SYNPR: variants seen among roughly 807,000 people sequenced by gnomAD.
SYNPR encodes the protein synaptoporin.
A neutral mutation model predicts 32.9 loss-of-function variants in SYNPR; 23 were observed. The observed-to-expected ratio is 0.70, with a 90% CI of 0.50 to 0.99. SYNPR has a LOEUF of 0.99. Ranked by LOEUF, SYNPR falls within the 50% of genes least tolerant of loss-of-function variation. The probability of loss-of-function intolerance (pLI) is 0.00; values close to 1 mark genes in which losing one functional copy is unlikely to be tolerated. For missense variants in SYNPR, 318 were observed against 349.3 expected (o/e 0.91, Z 0.71); for synonymous variants, 146 against 135.9 (o/e 1.07, Z -0.52).
chr3:63,341,736 G>A (rs2087372822), intron 2 of SYNPR, among the ~76,000 whole-genome samples: 1 of 151,986 alleles, frequency 6.6e-6, no homozygotes, highest in South Asian at 2.1e-4. Context: ...ATGTATCTTG[G>A]ATACAAGTCA....
At chr3:63,241,234 T>G (rs867598689) in intron 1 of SYNPR, among the ~76,000 whole-genome samples, 1 of 152,128 alleles carries the variant, frequency 6.6e-6, no homozygotes, top group Non-Finnish European at 1.5e-5. Context: ...GACCAGAGAA[T>G]GGACCTCCGT....
chr3:63,448,612 CATT>C (rs1243039216), intron 2 of SYNPR, among the ~76,000 whole-genome samples: 5 of 151,822 alleles, frequency 3.3e-5, no homozygotes, highest in African/African-American at 1.2e-4. Context: ...AGAGGAAAAA[CATT>C]TTTTTTTAAT....
intron 3 of SYNPR, among the ~76,000 whole-genome samples, chr3:63,273,096 G>T (rs569155940): frequency 3.3e-5 from 5 of 152,244 alleles, no homozygotes; most frequent in Middle Eastern, 3.4e-3. Context: ...TTGTGTTCTA[G>T]TACGTTCCTG....
chr3:63,470,019 A>G (rs1407536229), intron 2 of SYNPR, among the ~76,000 whole-genome samples: 1 of 152,224 alleles, frequency 6.6e-6, no homozygotes, highest in Non-Finnish European at 1.5e-5. Flanking sequence ...TAAGAAAATC[A>G]GTTTTTAGTT....
chr3:63,361,430 TA>T (rs760618025), intron 2 of SYNPR, among the ~76,000 whole-genome samples: 5 of 150,024 alleles, frequency 3.3e-5, no homozygotes, highest in South Asian at 2.1e-4. Flanking sequence ...CCATCTCTAC[TA>T]AAAAAAAATA....
At chr3:63,540,930 AACACACACACACAC>A (rs58295090) in intron 3 of SYNPR, among the ~76,000 whole-genome samples, 1 of 122,856 alleles carries the variant, frequency 8.1e-6, no homozygotes, top group Admixed American at 8.7e-5. Context: ...TCCCCCCCCC[AACACACACACACAC>A]ACACACACAC....
intron 3 of SYNPR, among the ~76,000 whole-genome samples, chr3:63,510,746 T>C (rs991600674): frequency 2.0e-5 from 3 of 152,174 alleles, no homozygotes; most frequent in Non-Finnish European, 4.4e-5. Context: ...TTTGTGTGTT[T>C]TTTAAACCTG....
At chr3:63,238,757 G>A (rs1468023768) in intron 1 of SYNPR, among the ~76,000 whole-genome samples, 1 of 152,104 alleles carries the variant, frequency 6.6e-6, no homozygotes, top group African/African-American at 2.4e-5. Context: ...ACAGATCAAA[G>A]TGAAACAAAA....
At chr3:63,571,979 A>G (rs1275889779) in intron 4 of SYNPR, among the ~76,000 whole-genome samples, 1 of 152,200 alleles carries the variant, frequency 6.6e-6, no homozygotes. Flanking sequence ...AGAGCCCAAC[A>G]CAGAGCAGAC....
intron 4 of SYNPR, among the ~76,000 whole-genome samples, chr3:63,608,853 C>A (rs1025530705): frequency 6.6e-6 from 1 of 152,078 alleles, no homozygotes; most frequent in African/African-American, 2.4e-5. Context: ...GTTGTAGGAA[C>A]AATTAGGTGT....
intron 4 of SYNPR, among the ~76,000 whole-genome samples, chr3:63,571,597 A>T (rs1475629558): frequency 2.0e-5 from 3 of 152,170 alleles, no homozygotes; most frequent in African/African-American, 7.2e-5. Context: ...AATATTCTGT[A>T]TTCAAAATTC....
chr3:63,602,820 G>T (rs1245092301), intron 4 of SYNPR, among the ~76,000 whole-genome samples: 1 of 152,044 alleles, frequency 6.6e-6, no homozygotes, highest in Non-Finnish European at 1.5e-5. Flanking sequence ...AATTGCCTTG[G>T]TCATTCAGGC....
intron 2 of SYNPR, among the ~76,000 whole-genome samples, chr3:63,363,194 C>T (rs1418752411): frequency 1.3e-5 from 2 of 152,108 alleles, no homozygotes; most frequent in Non-Finnish European, 2.9e-5. Flanking sequence ...TTTTACTTTG[C>T]CCGGCATATG....
chr3:63,423,456 G>GT (rs1699834608), intron 2 of SYNPR: 1 of 152,488 alleles, frequency 6.6e-6, no homozygotes, highest in African/African-American at 2.4e-5. Flanking sequence ...CCTGGGGCAA[G>GT]TATTAAGGGG....
At chr3:63,571,657 T>C (rs1255794523) in intron 4 of SYNPR, among the ~76,000 whole-genome samples, 2 of 152,192 alleles carry the variant, frequency 1.3e-5, no homozygotes, top group African/African-American at 4.8e-5. Flanking sequence ...TTCTACCACG[T>C]GGAATAAAAG....
At chr3:63,507,740 C>G (rs1701617179) in intron 3 of SYNPR, among the ~76,000 whole-genome samples, 1 of 152,020 alleles carries the variant, frequency 6.6e-6, no homozygotes, top group South Asian at 2.1e-4. Context: ...GAGTATATAT[C>G]ACCTCCGTGA....
At chr3:63,317,937 A>T (rs1052922405) in intron 2 of SYNPR, among the ~76,000 whole-genome samples, 4 of 151,888 alleles carry the variant, frequency 2.6e-5, no homozygotes, top group African/African-American at 9.7e-5. Flanking sequence ...CAGTTCTTGT[A>T]GTGGTGGTTT....
chr3:63,407,985 C>A (rs1038888392), intron 2 of SYNPR, among the ~76,000 whole-genome samples: 1 of 151,738 alleles, frequency 6.6e-6, no homozygotes, highest in South Asian at 2.1e-4. Context: ...GAATGATTCA[C>A]GGGCATCTTT....
intron 2 of SYNPR, among the ~76,000 whole-genome samples, chr3:63,416,165 G>T (rs1405653496): frequency 6.6e-6 from 1 of 152,176 alleles, no homozygotes; most frequent in East Asian, 1.9e-4. Flanking sequence ...GCATTTTATT[G>T]TATTTCATTC....
Sources: gnomAD v4.1 joint callset for allele counts (sites outside exome capture counted in the v4.1 genomes callset) on GRCh38, gnomAD v4.1.1 for gene constraint, MANE v1.5 for transcripts, NCBI Gene and HGNC (gene_info 2026-07-23, HGNC 2026-07-21) for gene names.